ACAD9: variants seen among roughly 807,000 people sequenced by gnomAD.
ACAD9 encodes acyl-CoA dehydrogenase family member 9.
Under a neutral mutation model 70.2 loss-of-function variants are expected in ACAD9, and 53 were observed. That is an observed-to-expected ratio of 0.75 (90% CI 0.61 to 0.95). ACAD9 has a LOEUF of 0.95. Among genes scored for constraint, ACAD9 ranks in the 40% least tolerant of loss-of-function variants. The probability of loss-of-function intolerance (pLI) is 0.00; values close to 1 mark genes in which losing one functional copy is unlikely to be tolerated. For missense variants in ACAD9, 777 were observed against 802.8 expected (o/e 0.97, Z 0.39); for synonymous variants, 313 against 312.1 (o/e 1.00, Z -0.03).
chr3:128,905,253 TA>T (rs1935856066), intron 11 of ACAD9, among the ~76,000 whole-genome samples: 1 of 152,250 alleles, frequency 6.6e-6, no homozygotes, highest in African/African-American at 2.4e-5. Context: ...CACACGCCTA[TA>T]GTCCCTGCTA....
At chr3:128,910,933 C>T in intron 17 of ACAD9, 120 bp downstream of exon 17, 1 of 1,260,350 alleles carries the variant, frequency 7.9e-7, no homozygotes, top group Non-Finnish European at 1.2e-6. Context: ...AGACCTCTGC[C>T]TTGAGCGAGG....
chr3:128,879,700 C>T lies in ACAD9; in HGVS notation c.9C>T (p.Gly3=). The part of the protein sequence containing the change: MS[G]CGLFLRTTAA... ...GGGGAACATCGGGCAGCATGAGCGG[C>T]TGCGGGCTCTTCCTGCGCACCACGG... Residue 3 remains glycine (G), a synonymous_variant, in exon 1 of 18, where the codon GGC becomes GGT. Transcript: ENST00000308982. 5 of 1,612,524 alleles carry T rather than the reference C, an allele frequency of 3.1e-6. No individual in the cohort carries two copies. The South Asian group carries it at 3.3e-5, about 11-fold the overall frequency.
chr3:128,882,482 C>G (rs751075538), intron 1 of ACAD9, among the ~76,000 whole-genome samples: 3 of 152,226 alleles, frequency 2.0e-5, no homozygotes, highest in Non-Finnish European at 4.4e-5. Flanking sequence ...TACTTTGGAT[C>G]AGGCCAGTGT....
intron 1 of ACAD9, among the ~76,000 whole-genome samples, chr3:128,884,059 G>A (rs980154258): frequency 3.3e-5 from 5 of 152,250 alleles, no homozygotes; most frequent in African/African-American, 1.2e-4. Flanking sequence ...GGGAGCAGAT[G>A]TCTGTGAGCA....
chr3:128,911,585 G>A (rs751063613), intron 17 of ACAD9, among the ~76,000 whole-genome samples: 4 of 151,820 alleles, frequency 2.6e-5, no homozygotes, highest in Non-Finnish European at 5.9e-5. Flanking sequence ...TTATAGGCAC[G>A]CACCACCATG....
At chr3:128,907,369 T>A (rs1458673926) in intron 12 of ACAD9, among the ~76,000 whole-genome samples, 1 of 152,138 alleles carries the variant, frequency 6.6e-6, no homozygotes. Context: ...CCAAAGGCCC[T>A]TCCCTTAGCC....
chr3:128,897,769 AG>A, intron 6 of ACAD9, 59 bp downstream of exon 6: 3 of 1,467,240 alleles, frequency 2.0e-6, no homozygotes, highest in Non-Finnish European at 2.8e-6. Flanking sequence ...ACTGCCACTG[AG>A]TGAGCACTCT....
chr3:128,907,038 T>C (rs890448750), intron 12 of ACAD9, among the ~76,000 whole-genome samples: 7 of 152,108 alleles, frequency 4.6e-5, no homozygotes, highest in Non-Finnish European at 1.0e-4. Context: ...GGGGCTCTCC[T>C]GCTGGGAGGG....
At chr3:128,894,160 G>A (rs1450792298) in intron 3 of ACAD9, among the ~76,000 whole-genome samples, 1 of 152,212 alleles carries the variant, frequency 6.6e-6, no homozygotes, top group Non-Finnish European at 1.5e-5. Flanking sequence ...ACACACATGT[G>A]TGCCATTTGT....
In ACAD9 at chr3:128,879,706, G is replaced by T. The variant is rs139710753; in HGVS notation, c.15G>T (p.Gly5=). The T allele has an allele frequency of 4.3e-5, 70 of 1,612,574 alleles. No individual in the cohort carries two copies. The highest frequency in any genetic ancestry group is 5.4e-5 in the Non-Finnish European group (64 of 1,179,914). Residue 5 remains glycine (G), a synonymous_variant, in exon 1 of 18, where the codon GGG becomes GGT. Coordinates refer to ENST00000308982, the MANE Select transcript of ACAD9 (RefSeq NM_014049.5). The part of the protein sequence containing the change: MSGC[G]LFLRTTAAAR... ...CATCGGGCAGCATGAGCGGCTGCGG[G>T]CTCTTCCTGCGCACCACGGCTGCGG...
At chr3:128,905,858 G>C (rs1935872593) in intron 11 of ACAD9, among the ~76,000 whole-genome samples, 1 of 152,192 alleles carries the variant, frequency 6.6e-6, no homozygotes, top group Non-Finnish European at 1.5e-5. Flanking sequence ...GGAGATCTTA[G>C]GTGGGTTTTA....
chr3:128,910,454 C>T (rs1178592526), intron 16 of ACAD9: 3 of 947,966 alleles, frequency 3.2e-6, no homozygotes, highest in Admixed American at 2.6e-5. Flanking sequence ...CTCTGAGGAC[C>T]CACTGTATAC....
intron 10 of ACAD9, 36 bp downstream of exon 10, chr3:128,904,168 C>G (rs757049551): frequency 4.4e-6 from 7 of 1,607,456 alleles, no homozygotes; most frequent in South Asian, 2.2e-5. Flanking sequence ...GTGCATTTCA[C>G]TGTGTGACAT....
intron 7 of ACAD9, 61 bp from the exon 8 acceptor site, chr3:128,901,215 G>T (rs372219669): frequency 2.7e-6 from 4 of 1,480,430 alleles, no homozygotes; most frequent in Non-Finnish European, 3.8e-6. Flanking sequence ...TTGCCTGCTT[G>T]CAGGTCAGAT....
At chr3:128,911,669 T>C (rs1331261240) in intron 17 of ACAD9, among the ~76,000 whole-genome samples, 1 of 139,946 alleles carries the variant, frequency 7.1e-6, no homozygotes, top group Non-Finnish European at 1.7e-5. Context: ...CTCCAACCCC[T>C]GACCTCAGGT....
intron 17 of ACAD9, 97 bp from the exon 18 acceptor site, chr3:128,912,410 G>A: frequency 1.9e-6 from 2 of 1,048,802 alleles, no homozygotes; most frequent in South Asian, 1.3e-5. Context: ...CTTCATGGTG[G>A]GTGGGCTGAC....
chr3:128,886,526 T>C (rs1371607105), intron 2 of ACAD9, among the ~76,000 whole-genome samples: 2 of 151,768 alleles, frequency 1.3e-5, no homozygotes, highest in Admixed American at 1.3e-4. Context: ...CTGACCAACA[T>C]GGAGAAACCT....
intron 7 of ACAD9, 27 bp downstream of exon 7, chr3:128,899,488 C>A (rs771064133): frequency 6.3e-7 from 1 of 1,583,038 alleles, no homozygotes; most frequent in East Asian, 2.3e-5. Flanking sequence ...CGCGCGTGCG[C>A]GTGTGTGTGT....
At chr3:128,889,486 A>G (rs1480279310) in intron 2 of ACAD9, among the ~76,000 whole-genome samples, 1 of 152,214 alleles carries the variant, frequency 6.6e-6, no homozygotes, top group African/African-American at 2.4e-5. Context: ...AGTGCAACAG[A>G]GGAAGTGAAC....
Sources: gnomAD v4.1 joint callset for allele counts (sites outside exome capture counted in the v4.1 genomes callset) on GRCh38, gnomAD v4.1.1 for gene constraint, MANE v1.5 for transcripts, NCBI Gene and HGNC (gene_info 2026-07-23, HGNC 2026-07-21) for gene names.